FKBP5: variants seen among roughly 807,000 people sequenced by gnomAD.
The protein encoded by FKBP5 is peptidyl-prolyl cis-trans isomerase FKBP5.
A neutral mutation model predicts 50.5 loss-of-function variants in FKBP5; 23 were observed. The ratio of observed to expected loss-of-function variants is 0.46; its 90% CI spans 0.33 to 0.65. FKBP5 has a LOEUF of 0.65. FKBP5 is among the 30% of genes least tolerant of loss of function. FKBP5 has a pLI of 0.02. For synonymous variants in FKBP5, 176 were observed against 190.6 expected (o/e 0.92, Z 0.63); for missense variants, 411 against 553.1 (o/e 0.74, Z 2.58).
chr6:35,639,824 T>C (rs774783207), intron 2 of FKBP5, among the ~76,000 whole-genome samples: 9 of 152,202 alleles, frequency 5.9e-5, no homozygotes, highest in Non-Finnish European at 1.3e-4. Context: ...TTGCTACTGC[T>C]GGCACAAGAG....
chr6:35,660,264 ATTTTTTTTT>A lies in FKBP5; in HGVS notation c.-19-17430_-19-17422del, dbSNP rs773891773. Among the ~76,000 whole-genome samples the A allele has an allele frequency of 1.7e-4, 8 of 46,714 alleles. 4 individuals are homozygous for A. The highest frequency in any genetic ancestry group is 5.9e-4 in the African/African-American group (8 of 13,460). The allele number at this position is 46,714 out of a possible 152,430, so 30.6% of individuals were successfully genotyped here. A position where few individuals can be genotyped will look rare whatever the true frequency, so the allele number is the denominator to read the frequency against. ...AAGTCACTTTAAATGCATTGATGCTATTTTTTTTTTTTTTTTTTTTTGAGACGGAGTTTT... is the reference window on the plus strand; with the variant it reads ...AAGTCACTTTAAATGCATTGATGCTATTTTTTTTTTTTGAGACGGAGTTTT... On this transcript the variant is annotated intron_variant, in intron 1 of 10. Transcript: ENST00000357266.
rs921739206 is a variant in FKBP5, at chr6:35,707,501, G to C, written c.-20+12827C>G. On this transcript the variant is annotated intron_variant, in intron 2 of 11. Coordinates refer to the FKBP5 transcript ENST00000536438. ...CTCCCAAAGTGCTGGGATTACAGGCGTGAGCCACCGCGCCCGGCCATGAAA... is the reference window on the plus strand; with the variant it reads ...CTCCCAAAGTGCTGGGATTACAGGCCTGAGCCACCGCGCCCGGCCATGAAA... Among the ~76,000 whole-genome samples the C allele has an allele frequency of 2.0e-5, 3 of 152,034 alleles. No individual in the cohort carries two copies. In the East Asian group the frequency reaches 5.8e-4, roughly 29 times the overall value.
intron 8 of FKBP5, chr6:35,582,278 T>A (rs1561842996): frequency 1.0e-6 from 1 of 985,364 alleles, no homozygotes; most frequent in East Asian, 1.1e-4. Flanking sequence ...AATGCTGAAA[T>A]TCTTGAGGAA....
chr6:35,716,894 C>G (rs190496289), intron 2 of FKBP5, among the ~76,000 whole-genome samples: 53 of 152,286 alleles, frequency 3.5e-4, no homozygotes, highest in Non-Finnish European at 6.2e-4. Flanking sequence ...TTCCCACCTC[C>G]CCACAGGGGA....
intron 3 of FKBP5, among the ~76,000 whole-genome samples, chr6:35,635,405 G>A (rs149638993): frequency 1.6e-3 from 242 of 152,152 alleles, no homozygotes; most frequent in African/African-American, 5.5e-3. Flanking sequence ...CTGAGAGGTT[G>A]AGGCTACAGT....
At chr6:35,590,600 A>T (rs1762785924) in intron 7 of FKBP5, among the ~76,000 whole-genome samples, 1 of 152,158 alleles carries the variant, frequency 6.6e-6, no homozygotes, top group Non-Finnish European at 1.5e-5. Context: ...TATAAAAAAA[A>T]AATGGCTTCG....
At chr6:35,698,652 TA>T (rs1307740843) in intron 2 of FKBP5, among the ~76,000 whole-genome samples, 9 of 151,928 alleles carry the variant, frequency 5.9e-5, no homozygotes, top group African/African-American at 1.5e-4. Context: ...CAAAAAATAA[TA>T]AATAAATAAA....
chr6:35,583,188 G>A, intron 8 of FKBP5: 1 of 985,402 alleles, frequency 1.0e-6, no homozygotes. Flanking sequence ...AGATAGGAAG[G>A]ACAGGCATTT....
intron 1 of FKBP5, among the ~76,000 whole-genome samples, chr6:35,721,529 C>T (rs570484950): frequency 6.6e-6 from 1 of 152,100 alleles, no homozygotes; most frequent in East Asian, 1.9e-4. Context: ...GCTTTCGGCT[C>T]ACCACAACCT....
intron 1 of FKBP5, among the ~76,000 whole-genome samples, chr6:35,685,668 C>G (rs552589813): frequency 6.6e-6 from 1 of 152,074 alleles, no homozygotes; most frequent in African/African-American, 2.4e-5. Context: ...CCGGGTACAG[C>G]AAGCATATTA....
chr6:35,629,888 TA>T (rs1764102658), intron 3 of FKBP5, among the ~76,000 whole-genome samples: 1 of 152,142 alleles, frequency 6.6e-6, no homozygotes, highest in Non-Finnish European at 1.5e-5. Flanking sequence ...TGGGGACAAT[TA>T]AAAAAATTAA....
In FKBP5 at chr6:35,577,172, A is replaced by G. The variant is rs1161435941; in HGVS notation, c.1088T>C (p.Leu363Pro). The change falls in exon 10 of 11, where the codon CTC (leucine) becomes CCC (proline). Residue 363 changes from leucine to proline, a missense_variant. This residue lies in a region of FKBP5 where 267 missense variants were observed against 405.9 expected (regional missense o/e 0.66). Transcript: ENST00000357266. ...GLYRRGEAQL[L>P]MNEFESAKGD... ...CTTGGCTGACTCAAACTCGTTCATG[A>G]GCAGCTGGGCTTCACCCCTCCTATA... The G allele has an allele frequency of 1.9e-6, 3 of 1,614,006 alleles. No individual in the cohort carries two copies. The highest frequency in any genetic ancestry group is 1.1e-5 in the South Asian group (1 of 91,084).
intron 1 of FKBP5, among the ~76,000 whole-genome samples, chr6:35,664,290 T>G (rs965473867): frequency 7.0e-6 from 1 of 141,966 alleles, no homozygotes; most frequent in Non-Finnish European, 1.5e-5. Flanking sequence ...AAATTAGCTG[T>G]TTTTTTTTTA....
chr6:35,705,549 G>A (rs925543443), intron 2 of FKBP5, among the ~76,000 whole-genome samples: 6 of 151,736 alleles, frequency 4.0e-5, no homozygotes, highest in African/African-American at 1.5e-4. Flanking sequence ...ACAGGCATGA[G>A]CCACTGTGCC....
chr6:35,593,772 C>T lies in FKBP5; in HGVS notation c.666-2552G>A, dbSNP rs542432478. Among the ~76,000 whole-genome samples, 360 of 151,908 alleles carry T rather than the reference C, an allele frequency of 2.4e-3. 1 individual carries two copies. The highest frequency in any genetic ancestry group is 6.8e-3 in the Middle Eastern group (2 of 294). ...GTTTCACCATGTTGGCCAGGCTGGT[C>T]GCGAACTCCTGACCTCAAGTGATCC... On this transcript the variant is annotated intron_variant, in intron 6 of 10. Transcript: ENST00000357266.
chr6:35,623,136 G>C (rs1025688226), intron 3 of FKBP5, among the ~76,000 whole-genome samples: 1 of 152,198 alleles, frequency 6.6e-6, no homozygotes, highest in African/African-American at 2.4e-5. Flanking sequence ...CAGCTACTCC[G>C]GAGGCTGAGG....
At chr6:35,607,145 C>T (rs1468169405) in intron 5 of FKBP5, among the ~76,000 whole-genome samples, 4 of 152,112 alleles carry the variant, frequency 2.6e-5, no homozygotes, top group Non-Finnish European at 5.9e-5. Flanking sequence ...ACCATGTTGG[C>T]CAGGCTGGTC....
chr6:35,597,893 T>C (rs1375222815), intron 5 of FKBP5, among the ~76,000 whole-genome samples: 1 of 152,224 alleles, frequency 6.6e-6, no homozygotes, highest in African/African-American at 2.4e-5. Flanking sequence ...CCTTCTTCTT[T>C]AAGAGTCCTA....
rs182985165 is a variant in FKBP5, at chr6:35,708,543, C to T, written c.-20+11785G>A. On this transcript the variant is annotated intron_variant, in intron 2 of 11. Coordinates refer to the FKBP5 transcript ENST00000536438. ...CTGGGATTACAAGCATGAGCCATTG[C>T]GCCTGGCCTTGTACAATGGAATTCT... Among the ~76,000 whole-genome samples the T allele has an allele frequency of 4.0e-5, 6 of 151,222 alleles. No homozygotes were observed. In the East Asian group the frequency reaches 9.7e-4, roughly 25 times the overall value.
Sources: allele counts gnomAD v4.1 joint callset (sites outside exome capture counted in the v4.1 genomes callset), GRCh38; gene constraint gnomAD v4.1.1; regional missense constraint gnomAD v4.1.1; transcripts MANE v1.5; gene names NCBI Gene and HGNC (gene_info 2026-07-23, HGNC 2026-07-21).